Variants in FGF7 observed in about 807,000 individuals in gnomAD.
The protein encoded by FGF7 is fibroblast growth factor 7.
In FGF7, 6 loss-of-function variants were observed where a neutral mutation model predicts 20.5. That is an observed-to-expected ratio of 0.29 (90% CI 0.16 to 0.58). The LOEUF (loss-of-function observed/expected upper bound fraction) is 0.58. Among genes scored for constraint, FGF7 ranks in the 20% least tolerant of loss-of-function variants. FGF7 has a pLI of 0.90. For missense variants in FGF7, 144 were observed against 228.8 expected (o/e 0.63, Z 2.39); for synonymous variants, 64 against 74.7 (o/e 0.86, Z 0.74).
intron 2 of FGF7, among the ~76,000 whole-genome samples, chr15:49,451,544 T>C (rs1171766068): frequency 2.0e-5 from 3 of 152,046 alleles, no homozygotes; most frequent in Non-Finnish European, 2.9e-5. Context: ...AAAATTTTAG[T>C]ATTTATATTT....
chr15:49,470,620 C>A (rs1370115673), intron 2 of FGF7, among the ~76,000 whole-genome samples: 6 of 152,178 alleles, frequency 3.9e-5, no homozygotes, highest in African/African-American at 1.4e-4. Context: ...ACTTCTCTAA[C>A]TTCTTTTGCT....
chr15:49,447,704 T>C (rs751254384), intron 2 of FGF7, among the ~76,000 whole-genome samples: 2 of 151,712 alleles, frequency 1.3e-5, no homozygotes, highest in African/African-American at 2.4e-5. Context: ...AATCAATTCA[T>C]GGATAATTGT....
At chr15:49,458,875 A>T (rs1412335042) in intron 2 of FGF7, among the ~76,000 whole-genome samples, 1 of 152,138 alleles carries the variant, frequency 6.6e-6, no homozygotes, top group Non-Finnish European at 1.5e-5. Flanking sequence ...TTTTTTCTAG[A>T]CTGACCAACA....
intron 2 of FGF7, among the ~76,000 whole-genome samples, chr15:49,455,315 C>T (rs981543260): frequency 1.3e-5 from 2 of 152,104 alleles, no homozygotes; most frequent in African/African-American, 4.8e-5. Flanking sequence ...ATTCATCTAG[C>T]ATGAAAATCA....
chr15:49,466,041 T>C (rs780812374), intron 2 of FGF7, among the ~76,000 whole-genome samples: 4 of 152,012 alleles, frequency 2.6e-5, no homozygotes, highest in Non-Finnish European at 4.4e-5. Context: ...AAGAGAACAA[T>C]AGAGGTGGGT....
intron 2 of FGF7, among the ~76,000 whole-genome samples, chr15:49,435,402 G>T (rs1193376423): frequency 6.6e-6 from 1 of 151,604 alleles, no homozygotes; most frequent in African/African-American, 2.4e-5. Context: ...TGGATCACCT[G>T]TTTCAACTAT....
intron 2 of FGF7, among the ~76,000 whole-genome samples, chr15:49,428,320 T>C (rs1480442908): frequency 6.6e-6 from 1 of 151,954 alleles, no homozygotes; most frequent in Non-Finnish European, 1.5e-5. Context: ...ATAATAAGAA[T>C]ACTAAAAGCA....
At position 49,441,838 on chromosome 15, in the gene FGF7, A is replaced by ATT. The variant is rs1423797532; in HGVS notation, c.286+17256_286+17257dup. Among the ~76,000 whole-genome samples, 3 of 151,618 alleles carry ATT rather than the reference A, an allele frequency of 2.0e-5. No homozygotes were observed. In the East Asian group the frequency reaches 5.8e-4, roughly 30 times the overall value. ...TGAATTCCTATCAGTCACATGACTA[A>ATT]TTGCATACAGTGTTTCTCAGTGGTC... On this transcript the variant is annotated intron_variant, in intron 2 of 3. Transcript: ENST00000267843.
chr15:49,434,391 T>C (rs2050897253), intron 2 of FGF7: 1 of 151,526 alleles, frequency 6.6e-6, no homozygotes, highest in Admixed American at 6.6e-5. Context: ...GAATTAACAG[T>C]TGGGAGTCAA....
At chr15:49,482,015 G>A (rs2055992336) in intron 2 of FGF7, among the ~76,000 whole-genome samples, 2 of 151,944 alleles carry the variant, frequency 1.3e-5, no homozygotes, top group African/African-American at 4.8e-5. Context: ...GAAGGTATGG[G>A]GCAAAACAAT....
chr15:49,481,535 A>C (rs1337990835), intron 2 of FGF7, among the ~76,000 whole-genome samples: 8 of 152,208 alleles, frequency 5.3e-5, no homozygotes, highest in Non-Finnish European at 1.2e-4. Flanking sequence ...ATGCATCAAC[A>C]TCATAATCCT....
rs1382301504 is a variant in FGF7 at position 49,472,098 on chromosome 15, G to A, written c.287-11053G>A. ...GAAAATAAGACTTGTCTTTCTGGCT[G>A]TTAGCTTAGAATAACTGAAAAAATA... is the stretch of plus-strand genomic sequence containing the variant. On this transcript the variant is annotated intron_variant, in intron 2 of 3. Coordinates refer to ENST00000267843, the MANE Select transcript of FGF7 (RefSeq NM_002009.4). 2.6e-5 allele frequency among the ~76,000 whole-genome samples: 4 copies of A among 151,628 alleles called. No homozygotes were observed. The East Asian group carries it at 7.7e-4, about 29-fold the overall frequency.
intron 2 of FGF7, among the ~76,000 whole-genome samples, chr15:49,470,547 G>A (rs2151963136): frequency 6.6e-6 from 1 of 152,210 alleles, no homozygotes; most frequent in Non-Finnish European, 1.5e-5. Flanking sequence ...AGTAAAAATA[G>A]CATCCCCTTA....
At chr15:49,429,494 T>C (rs1261312688) in intron 2 of FGF7, among the ~76,000 whole-genome samples, 1 of 151,978 alleles carries the variant, frequency 6.6e-6, no homozygotes, top group Admixed American at 6.6e-5. Context: ...GACTGACCCT[T>C]ATGACTCAGC....
At chr15:49,439,618 G>A (rs771131583) in intron 2 of FGF7, among the ~76,000 whole-genome samples, 2 of 151,678 alleles carry the variant, frequency 1.3e-5, no homozygotes, top group Non-Finnish European at 3.0e-5. Context: ...ATAAGTTTGT[G>A]GAATAAGCTT....
intron 2 of FGF7, among the ~76,000 whole-genome samples, chr15:49,470,245 T>TAACACTGGG (rs5812487): frequency 0.92 from 139,563 of 151,656 alleles, 65,331 homozygotes; most frequent in East Asian, 1. Flanking sequence ...TATAATTCTT[T>TAACACTGGG]AACACTGGGA....
intron 2 of FGF7, among the ~76,000 whole-genome samples, chr15:49,458,277 AAAAG>A (rs2053496345): frequency 6.6e-6 from 1 of 151,208 alleles, no homozygotes; most frequent in African/African-American, 2.4e-5. Context: ...ACTCTGGAGA[AAAAG>A]AACCCCCCCA....
intron 2 of FGF7, among the ~76,000 whole-genome samples, chr15:49,441,966 A>G (rs886345868): frequency 3.3e-5 from 5 of 151,598 alleles, no homozygotes; most frequent in Non-Finnish European, 3.0e-5. Context: ...CTGTCTGGCT[A>G]GAGCTCCTTG....
rs756198839 is a variant in FGF7, at chr15:49,424,073, C to T, written c.-225C>T. ...AGCGTCACAGCAACTGAACTTACTA[C>T]GAACTGTTTTTATGAGGATTTATCA... On this transcript the variant is annotated 5_prime_UTR_variant, in exon 2 of 4. The change creates a new upstream start codon in the 5' untranslated region. Coordinates refer to ENST00000267843, the MANE Select transcript of FGF7 (RefSeq NM_002009.4). 12 of 421,772 alleles carry T rather than the reference C, an allele frequency of 2.8e-5. No individual in the cohort carries two copies. Among genetic ancestry groups the T allele is most frequent in the African/African-American group, 6.0e-5 (3 of 49,804 alleles). The allele number at this position is 421,772 out of a possible 1,614,324, so 26.1% of individuals were successfully genotyped here.
Sources: gnomAD v4.1 joint callset for allele counts (sites outside exome capture counted in the v4.1 genomes callset) on GRCh38, gnomAD v4.1.1 for gene constraint, MANE v1.5 for transcripts, NCBI Gene and HGNC (gene_info 2026-07-23, HGNC 2026-07-21) for gene names.